Variants in RNF213 observed in about 807,000 individuals in gnomAD.
RNF213 encodes the protein ring finger protein 213, also known as E3 ubiquitin-protein ligase RNF213.
A neutral mutation model predicts 514.4 loss-of-function variants in RNF213; 341 were observed. That is an observed-to-expected ratio of 0.66 (90% CI 0.61 to 0.73). The LOEUF is 0.73. Ranked by LOEUF, RNF213 falls within the 30% of genes least tolerant of loss-of-function variation. The probability of loss-of-function intolerance (pLI) is 0.00; values close to 1 mark genes in which losing one functional copy is unlikely to be tolerated. For missense variants in RNF213, 5,767 were observed against 6,615.6 expected (o/e 0.87, Z 4.45); for synonymous variants, 2,655 against 2,658.2 (o/e 1.00, Z 0.04).
Position 80,376,397 on chromosome 17 carries a change from C to T in RNF213, c.13282C>T (p.Pro4428Ser), listed in dbSNP as rs779067453. ...FATSLVDNSV[P>S]LLRAGPSDSN... ...AACATCGCTCGTGGACAATTCTGTG[C>T]CATTGTTGAGGGCGGGGCCTAGTGA... Residue 4428 changes from proline (P) to serine (S), a missense_variant, in exon 52 of 68, where the codon CCA becomes TCA. Physicochemically the swap from Pro to Ser is moderately conservative, Grantham distance 74 (BLOSUM62 -1). This residue lies in a region of RNF213 where 1,245 missense variants were observed against 1,339.0 expected (regional missense o/e 0.93). Coordinates refer to ENST00000582970, the MANE Select transcript of RNF213 (RefSeq NM_001256071.3). The T allele has an allele frequency of 6.2e-7, 1 of 1,614,174 alleles. No homozygotes were observed. Among genetic ancestry groups the T allele is most frequent in the Admixed American group, 1.7e-5 (1 of 60,018 alleles).
rs753322026 is a variant in RNF213, at chr17:80,345,955, A to G, written c.7620A>G (p.Ser2540=). Residue 2540 remains serine, a synonymous_variant, in exon 29 of 68, where the codon TCA becomes TCG. Transcript: ENST00000582970. This position sits in a 1 kb window ranked among gnomAD's most constrained non-coding sequence, Gnocchi z 6.0. ...HSEEMICRLE[S]AGLGYRVSME... ...AGGAGATGATCTGCCGTTTGGAGTC[A>G]GCTGGTTTGGGCTACAGGGTTAGTA... The G allele has an allele frequency of 2.5e-6, 4 of 1,614,232 alleles. No homozygotes were observed. Among genetic ancestry groups the G allele is most frequent in the Non-Finnish European group, 3.4e-6 (4 of 1,180,042 alleles).
intron 17 of RNF213, among the ~76,000 whole-genome samples, chr17:80,321,623 C>G: frequency 6.6e-6 from 1 of 152,206 alleles, no homozygotes; most frequent in Non-Finnish European, 1.5e-5. Flanking sequence ...ATCCCTCCAG[C>G]AGCATAGGAG....
At position 80,393,456 on chromosome 17, in the gene RNF213, G is replaced by A; in HGVS notation, c.15582G>A (p.Trp5194Ter). The A allele has an allele frequency of 6.2e-7, 1 of 1,614,188 alleles. No individual in the cohort carries two copies. The highest frequency in any genetic ancestry group is 8.5e-7 in the Non-Finnish European group (1 of 1,180,012). Residue 5194 changes from tryptophan (W) to a stop codon, truncating the protein, a stop_gained, in exon 68 of 68, where the codon TGG becomes TGA. Transcript: ENST00000582970. LOFTEE classifies it low-confidence loss of function (END_TRUNC). ...EILLASCVSV[W>*]KTAAVLKWNR... is the part of the protein sequence containing the mutation. ...TGCTCGCCAGCTGTGTCTCAGTGTG[G>A]AAAACAGCTGCTGTGCTGAAATGGA...
intron 15 of RNF213, among the ~76,000 whole-genome samples, chr17:80,313,948 T>C (rs62647785): frequency 2.9e-4 from 2 of 7,014 alleles, no homozygotes; most frequent in Non-Finnish European, 2.6e-4. Flanking sequence ...GAGGTGATGG[T>C]GGTGGTGGAG....
intron 3 of RNF213, chr17:80,278,812 G>C (rs1401985017): frequency 6.5e-7 from 1 of 1,537,096 alleles, no homozygotes; most frequent in Non-Finnish European, 8.7e-7. Flanking sequence ...CCTCATATCC[G>C]ATGAATGGGA....
At chr17:80,299,321 T>G (rs2045087551) in intron 11 of RNF213, among the ~76,000 whole-genome samples, 1 of 152,312 alleles carries the variant, frequency 6.6e-6, no homozygotes, top group African/African-American at 2.4e-5. Flanking sequence ...CGTGCTTTCA[T>G]AAGCATCCTT....
rs2079577954 is a variant in RNF213, at chr17:80,373,026, T to C, written c.12803T>C (p.Ile4268Thr). ...CTGCAGCAAGTCAAGCAGTTCTGTA[T>C]CCGGGTGGAGAACGACTGGCACCGG... The part of the protein sequence containing the change: ...CYLQQVKQFC[I>T]RVENDWHRVY... The change falls in exon 49 of 68, where the codon ATC (isoleucine) becomes ACC (threonine). Residue 4268 changes from isoleucine (I) to threonine (T), a missense_variant. By Grantham distance (89) the Ile-to-Thr change is moderately conservative (BLOSUM62 -1). Coordinates refer to ENST00000582970, the MANE Select transcript of RNF213 (RefSeq NM_001256071.3). 6.2e-7 allele frequency: 1 copy of C among 1,613,994 alleles called. No individual in the cohort carries two copies. The highest frequency in any genetic ancestry group is 1.1e-5 in the South Asian group (1 of 91,076).
chr17:80,263,746 G>A lies in RNF213; in HGVS notation c.65G>A (p.Gly22Glu). Residue 22 changes from glycine (G) to glutamate (E), a missense_variant, in exon 2 of 68, where the codon GGA (glycine) becomes GAA (glutamate). By Grantham distance (98) the Gly-to-Glu change is moderately conservative. This residue lies in a region of RNF213 where 509 missense variants were observed against 496.7 expected (regional missense o/e 1.02). Transcript: ENST00000582970. The surrounding 1 kb of genome is among the most constrained non-coding windows in gnomAD (Gnocchi z 4.9). ...EETPKFCSQC[G>E]ERLPPAAPIA... ...ACCCCCAAGTTCTGCAGCCAGTGCG[G>A]AGAGAGGCTGCCTCCTGCAGCCCCC... is the stretch of plus-strand genomic sequence containing the variant. The A allele has an allele frequency of 1.9e-6, 3 of 1,614,130 alleles. No individual in the cohort carries two copies. The highest frequency in any genetic ancestry group is 2.5e-6 in the Non-Finnish European group (3 of 1,180,016).
At position 80,376,693 on chromosome 17, in the gene RNF213, G is replaced by T. The variant is rs2079774751; in HGVS notation, c.13428+150G>T. 7 of 1,269,148 alleles carry T rather than the reference G, an allele frequency of 5.5e-6. No homozygotes were observed. The South Asian group carries it at 8.9e-5, about 16-fold the overall frequency. The allele number at this position is 1,269,148 out of a possible 1,614,324, so 78.6% of individuals were successfully genotyped here. A position where few individuals can be genotyped will look rare whatever the true frequency, so the allele number is the denominator to read the frequency against. ...TGTCACCTGATTCTTGAGCACACAA[G>T]ATAGTGACAGACTTGCCTTGCCCTT... On this transcript the variant is annotated intron_variant, in intron 52 of 67. Coordinates refer to ENST00000582970, the MANE Select transcript of RNF213 (RefSeq NM_001256071.3).
At position 80,339,626 on chromosome 17, in the gene RNF213, C is replaced by T. The variant is rs1264498972; in HGVS notation, c.5259C>T (p.Ala1753=). ...CTGTGGGGTGTGGGAGTGAGGCCGCCAGGTACCGCATGAGGAGAGTCATGG... is the reference window on the plus strand; with the variant it reads ...CTGTGGGGTGTGGGAGTGAGGCCGCTAGGTACCGCATGAGGAGAGTCATGG... The part of the protein sequence containing the change: ...RASVGCGSEA[A]RYRMRRVMEE... Residue 1753 remains alanine, a synonymous_variant, in exon 26 of 68, where the codon GCC becomes GCT. Coordinates refer to ENST00000582970, the MANE Select transcript of RNF213 (RefSeq NM_001256071.3). 3 of 1,537,074 alleles carry T rather than the reference C, an allele frequency of 2.0e-6. No homozygotes were observed. The highest frequency in any genetic ancestry group is 1.4e-5 in the African/African-American group (1 of 73,022).
Position 80,317,350 on chromosome 17 carries a change from C to A in RNF213, c.2901+73C>A. Reference sequence around the variant, plus strand: ...GAGAACCCCAGACCATTAGCGACAGCCAAGAGATCTCAGCAGTGCCTCTCT... The same window carrying A: ...GAGAACCCCAGACCATTAGCGACAGACAAGAGATCTCAGCAGTGCCTCTCT... On this transcript the variant is annotated intron_variant, in intron 16 of 67. Coordinates refer to ENST00000582970, the MANE Select transcript of RNF213 (RefSeq NM_001256071.3). This position sits in a 1 kb window ranked among gnomAD's most constrained non-coding sequence, Gnocchi z 4.1. 1.5e-6 allele frequency: 2 copies of A among 1,358,726 alleles called. No homozygotes were observed. The highest frequency in any genetic ancestry group is 2.3e-5 in the East Asian group (1 of 42,882). 84.2% of individuals were successfully genotyped at this position (1,358,726 alleles called of 1,614,324 possible).
intron 13 of RNF213, among the ~76,000 whole-genome samples, chr17:80,307,889 T>C: frequency 6.8e-6 from 1 of 148,090 alleles, no homozygotes; most frequent in Non-Finnish European, 1.5e-5. Flanking sequence ...AGGGAAATAA[T>C]AGATATCAGC....
At chr17:80,360,442 A>G (rs1433176132) in intron 38 of RNF213, 1 of 548,616 alleles carries the variant, frequency 1.8e-6, no homozygotes, top group Non-Finnish European at 3.3e-6. Flanking sequence ...TGGCAGCAGG[A>G]GCCTGTGAGA....
At chr17:80,390,268 C>G in intron 67 of RNF213, 72 bp downstream of exon 67, 1 of 1,490,874 alleles carries the variant, frequency 6.7e-7, no homozygotes, top group African/African-American at 1.4e-5. Flanking sequence ...CTTCTATAGA[C>G]ACAAAAATAG....
intron 2 of RNF213, among the ~76,000 whole-genome samples, chr17:80,272,485 A>G (rs944466284): frequency 2.0e-5 from 3 of 152,070 alleles, no homozygotes; most frequent in African/African-American, 7.2e-5. Context: ...ATAACAACCC[A>G]CCTGGCGGGT....
At chr17:80,342,996 C>A in intron 26 of RNF213, 136 bp from the exon 27 acceptor site, 1 of 701,942 alleles carries the variant, frequency 1.4e-6, no homozygotes, top group Non-Finnish European at 2.5e-6. Context: ...TTAGTAGGGA[C>A]GGGATTTCAC....
chr17:80,334,314 T>C, intron 22 of RNF213, 44 bp downstream of exon 22: 1 of 1,505,610 alleles, frequency 6.6e-7, no homozygotes, highest in Non-Finnish European at 8.8e-7. Flanking sequence ...GGAGAAAGTT[T>C]TCAGATGGCG....
Position 80,319,276 on chromosome 17 carries a change from G to A in RNF213, c.2988G>A (p.Glu996=), listed in dbSNP as rs746393466. The A allele has an allele frequency of 6.2e-7, 1 of 1,614,168 alleles. No individual in the cohort carries two copies. The highest frequency in any genetic ancestry group is 1.1e-5 in the South Asian group (1 of 91,080). ...GLEDSVAKTF[E]KCIIEAVSSA... is the part of the protein sequence containing the mutation. ...AGGACAGTGTGGCCAAGACCTTCGA[G>A]AAATGCATCATTGAAGCCGTGAGCT... is the stretch of plus-strand genomic sequence containing the variant. Residue 996 remains glutamate, a synonymous_variant, in exon 17 of 68, where the codon GAG becomes GAA. Transcript: ENST00000582970.
intron 15 of RNF213, 99 bp downstream of exon 15, chr17:80,313,266 G>A: frequency 6.8e-7 from 1 of 1,469,780 alleles, no homozygotes; most frequent in East Asian, 2.3e-5. Flanking sequence ...AGGGGCAGTT[G>A]TTGGCCTTCA....
Sources: gnomAD v4.1 joint callset for allele counts (sites outside exome capture counted in the v4.1 genomes callset) on GRCh38, gnomAD v4.1.1 for gene constraint, gnomAD v4.1.1 regional missense constraint, Gnocchi (gnomAD v3.1) non-coding constraint, MANE v1.5 for transcripts, NCBI Gene and HGNC (gene_info 2026-07-23, HGNC 2026-07-21) for gene names.